The following TECRL variants were observed in gnomAD, a reference collection of about 807,000 sequenced individuals.
TECRL encodes the protein trans-2,3-enoyl-CoA reductase like.
Under a neutral mutation model 52.8 loss-of-function variants are expected in TECRL, and 63 were observed. That is an observed-to-expected ratio of 1.19 (90% CI 0.97 to 1.47). The LOEUF (loss-of-function observed/expected upper bound fraction) is 1.47, where lower values mean the gene tolerates loss of function less well. Ranked by LOEUF, TECRL falls within the 40% of genes most tolerant of loss-of-function variation. The pLI is 0.00. For synonymous variants in TECRL, 164 were observed against 141.9 expected, an observed-to-expected ratio of 1.16 and a Z score of -1.10; for missense variants, 482 against 429.6, an observed-to-expected ratio of 1.12 and a Z score of -1.08.
chr4:64,289,575 T>A, intron 9 of TECRL, 135 bp downstream of exon 9: 1 of 694,652 alleles, frequency 1.4e-6, no homozygotes, highest in South Asian at 2.2e-5. Context: ...AAACTAGACA[T>A]AAAAGGGAAA....
At chr4:64,403,123 C>G (rs1306825222) in intron 1 of TECRL, among the ~76,000 whole-genome samples, 2 of 151,994 alleles carry the variant, frequency 1.3e-5, no homozygotes, top group Non-Finnish European at 2.9e-5. Context: ...ATCATCTTCT[C>G]TTTATTTAAA....
At position 64,409,398 on chromosome 4, in the gene TECRL, C is replaced by G. The variant is rs773380078; in HGVS notation, c.-47G>C. The G allele has an allele frequency of 6.3e-7, 1 of 1,591,838 alleles. No homozygotes were observed. The highest frequency in any genetic ancestry group is 8.6e-7 in the Non-Finnish European group (1 of 1,167,996). ...CTGTCATGTCAAAAGTAGAAAATTG[C>G]AAGTGTGTTCCTTTTGCATCAGTTA... On this transcript the variant is annotated 5_prime_UTR_variant, in exon 1 of 12. Coordinates refer to ENST00000381210, the MANE Select transcript of TECRL (RefSeq NM_001010874.5).
At chr4:64,288,856 G>A (rs1375715356) in intron 9 of TECRL, among the ~76,000 whole-genome samples, 5 of 152,288 alleles carry the variant, frequency 3.3e-5, no homozygotes, top group African/African-American at 1.2e-4. Context: ...TCTTCTCCAT[G>A]ACAGTGTCTG....
At chr4:64,287,740 C>CTT (rs1413091646) in intron 9 of TECRL, among the ~76,000 whole-genome samples, 1 of 152,092 alleles carries the variant, frequency 6.6e-6, no homozygotes, top group Non-Finnish European at 1.5e-5. Flanking sequence ...GCATTTCTCA[C>CTT]TTTATGTTTT....
chr4:64,352,306 A>C (rs1485827578), intron 2 of TECRL, among the ~76,000 whole-genome samples: 2 of 152,212 alleles, frequency 1.3e-5, no homozygotes, highest in Non-Finnish European at 2.9e-5. Context: ...ATAAGAAATT[A>C]ATATTGAACA....
rs1201164990 is a variant in TECRL at position 64,279,983 on chromosome 4, G to T, written c.*89C>A. On this transcript the variant is annotated 3_prime_UTR_variant, in exon 12 of 12. Coordinates refer to ENST00000381210, the MANE Select transcript of TECRL (RefSeq NM_001010874.5). ...GTGTATATACTGTTGCTCATGAATT[G>T]TTGGAGTATAATAGTTAACTATCCT... 6 of 1,462,204 alleles carry T rather than the reference G, an allele frequency of 4.1e-6. No individual in the cohort carries two copies. In the South Asian group the frequency reaches 8.3e-5, roughly 20 times the overall value. The allele number at this position is 1,462,204 out of a possible 1,614,324, so 90.6% of individuals were successfully genotyped here.
chr4:64,395,103 A>ATTGGCCAGGCTGGTCTATG (rs1311014052), intron 1 of TECRL, among the ~76,000 whole-genome samples: 1 of 151,572 alleles, frequency 6.6e-6, no homozygotes, highest in Non-Finnish European at 1.5e-5. Context: ...GTAGAAACAG[A>ATTGGCCAGGCTGGTCTATG]TTGGCCAGGC....
At chr4:64,338,977 T>C (rs1185047302) in intron 2 of TECRL, among the ~76,000 whole-genome samples, 1 of 152,054 alleles carries the variant, frequency 6.6e-6, no homozygotes, top group Non-Finnish European at 1.5e-5. Context: ...TGAAGACACA[T>C]GCACATGTAT....
chr4:64,392,749 G>A (rs1450926893), intron 1 of TECRL, among the ~76,000 whole-genome samples: 2 of 151,834 alleles, frequency 1.3e-5, no homozygotes, highest in African/African-American at 2.4e-5. Context: ...ACCACAGGTG[G>A]TATTAACAAC....
intron 2 of TECRL, among the ~76,000 whole-genome samples, chr4:64,360,224 T>C (rs1042270460): frequency 1.4e-5 from 2 of 147,414 alleles, no homozygotes; most frequent in African/African-American, 2.5e-5. Context: ...AATGGGATAA[T>C]GGGAGATAAA....
intron 1 of TECRL, among the ~76,000 whole-genome samples, chr4:64,408,200 CT>C (rs1464268774): frequency 6.6e-6 from 1 of 151,958 alleles, no homozygotes; most frequent in Admixed American, 6.6e-5. Flanking sequence ...TAAACAGCTT[CT>C]TTTTTCCTTT....
chr4:64,302,762 A>G (rs138500184), intron 7 of TECRL, among the ~76,000 whole-genome samples: 98 of 151,572 alleles, frequency 6.5e-4, no homozygotes, highest in African/African-American at 2.2e-3. Context: ...AAAAATTAAA[A>G]GAATTACTGA....
intron 4 of TECRL, 89 bp from the exon 5 acceptor site, chr4:64,314,852 A>G: frequency 2.2e-6 from 2 of 915,408 alleles, no homozygotes; most frequent in Non-Finnish European, 3.5e-6. Context: ...TACTGCATAA[A>G]TTGGTGAAAC....
chr4:64,294,693 A>G (rs1283585304), intron 8 of TECRL, among the ~76,000 whole-genome samples: 1 of 152,122 alleles, frequency 6.6e-6, no homozygotes, highest in African/African-American at 2.4e-5. Flanking sequence ...GAACCAATGT[A>G]CAAAGAACCG....
intron 1 of TECRL, among the ~76,000 whole-genome samples, chr4:64,405,848 A>G (rs991301537): frequency 6.6e-6 from 1 of 152,146 alleles, no homozygotes; most frequent in Non-Finnish European, 1.5e-5. Context: ...CTCAAATAAC[A>G]AATGCTAGTT....
At chr4:64,316,927 A>C (rs114507748) in intron 4 of TECRL, among the ~76,000 whole-genome samples, 1 of 152,200 alleles carries the variant, frequency 6.6e-6, no homozygotes, top group Non-Finnish European at 1.5e-5. Context: ...AAGCAAGGAA[A>C]TTGAGAGTCT....
rs575365137 is a variant in TECRL, at chr4:64,353,961, C to T, written c.286+21211G>A. Among the ~76,000 whole-genome samples the T allele has an allele frequency of 7.9e-5, 12 of 152,106 alleles. No homozygotes were observed. In the East Asian group the frequency reaches 2.3e-3, roughly 29 times the overall value. On this transcript the variant is annotated intron_variant, in intron 2 of 11. Transcript: ENST00000381210. ...CTACAAATCAAGTGAGAAGAGACAG[C>T]TAAAATCAAACAATAAAACAAACAA... is the stretch of plus-strand genomic sequence containing the variant.
intron 8 of TECRL, among the ~76,000 whole-genome samples, chr4:64,297,774 G>A (rs1470732914): frequency 6.6e-6 from 1 of 150,924 alleles, no homozygotes; most frequent in Non-Finnish European, 1.5e-5. Context: ...ACCTCTTTAT[G>A]TTTATATGCA....
At chr4:64,315,661 G>A (rs1248394919) in intron 4 of TECRL, among the ~76,000 whole-genome samples, 4 of 151,914 alleles carry the variant, frequency 2.6e-5, no homozygotes, top group Non-Finnish European at 5.9e-5. Flanking sequence ...AATGCAGTTA[G>A]CTGTCCACAT....
Sources: gnomAD v4.1 joint callset for allele counts (sites outside exome capture counted in the v4.1 genomes callset) on GRCh38, gnomAD v4.1.1 for gene constraint, MANE v1.5 for transcripts, NCBI Gene and HGNC (gene_info 2026-07-23, HGNC 2026-07-21) for gene names.